Variants in CILP observed in about 807,000 individuals in gnomAD.
The protein encoded by CILP is cartilage intermediate layer protein, also known as cartilage intermediate layer protein 1.
Under a neutral mutation model 82.5 loss-of-function variants are expected in CILP, and 75 were observed. That is an observed-to-expected ratio of 0.91 (90% CI 0.75 to 1.10). The LOEUF is 1.10. Ranked by LOEUF, CILP falls within the 50% of genes least tolerant of loss-of-function variation. The pLI, the probability that CILP is intolerant of heterozygous loss-of-function variation, is 0.00. For missense variants in CILP, 1,479 were observed against 1,530.8 expected (o/e 0.97, Z 0.56); for synonymous variants, 530 against 580.3 (o/e 0.91, Z 1.25).
In CILP at chr15:65,203,414, C is replaced by G. The variant is rs769257680; in HGVS notation, c.976G>C (p.Val326Leu). The stretch of plus-strand genomic sequence containing the variant: ...CCTGTGGCCTTACAGCACAGAGACA[C>G]GCTCTGCCCAGCTCTCCGTGCTTTT... ...ETKARRAGQS[V>L]SLCCKATGKP... Residue 326 changes from valine to leucine, a missense_variant, in exon 7 of 9, where the codon GTG becomes CTG. Physicochemically the swap from Val to Leu is conservative, Grantham distance 32. Coordinates refer to ENST00000261883, the MANE Select transcript of CILP (RefSeq NM_003613.4). The G allele has an allele frequency of 1.2e-6, 2 of 1,612,934 alleles. No homozygotes were observed. The highest frequency in any genetic ancestry group is 2.7e-5 in the African/African-American group (2 of 74,900).
chr15:65,197,953 A>T lies in CILP; in HGVS notation c.2333T>A (p.Ile778Asn). 1 of 1,614,158 alleles carries T rather than the reference A, an allele frequency of 6.2e-7. No homozygotes were observed. Among genetic ancestry groups the T allele is most frequent in the Non-Finnish European group, 8.5e-7 (1 of 1,180,028 alleles). ...GAAGCCAGTTCTAGGCTCCAGGTTA[A>T]TCACGGAGATCACAACCCCCTGGAT... ...EQIQGVVISV[I>N]NLEPRTGFLS... Residue 778 changes from isoleucine (I) to asparagine (N), a missense_variant, in exon 9 of 9, where the codon ATT becomes AAT. Ile to Asn is a moderately radical substitution (Grantham distance 149). Coordinates refer to ENST00000261883, the MANE Select transcript of CILP (RefSeq NM_003613.4).
chr15:65,204,226 T>G, intron 6 of CILP, 42 bp downstream of exon 6: 2 of 1,561,592 alleles, frequency 1.3e-6, no homozygotes, highest in Non-Finnish European at 1.7e-6. Flanking sequence ...TATTTAAAAA[T>G]CTGGACCTTC....
chr15:65,210,209 G>A (rs1040370249), intron 1 of CILP, among the ~76,000 whole-genome samples: 2 of 152,082 alleles, frequency 1.3e-5, no homozygotes, highest in Non-Finnish European at 2.9e-5. Flanking sequence ...GGCCTGAGGG[G>A]CATTTGTTTT....
At chr15:65,207,611 C>T (rs1001127455) in intron 3 of CILP, 61 bp downstream of exon 3, 1 of 1,448,814 alleles carries the variant, frequency 6.9e-7, no homozygotes, top group Non-Finnish European at 9.7e-7. Context: ...TTCAGAGATC[C>T]ACTTCGGAAG....
intron 1 of CILP, 27 bp from the exon 2 acceptor site, chr15:65,209,888 T>C (rs2088566071): frequency 2.9e-6 from 2 of 696,508 alleles, no homozygotes; most frequent in South Asian, 3.6e-5. Context: ...CTTGTCAGGT[T>C]TCATATTTCT....
chr15:65,209,652 G>A (rs777001169), intron 2 of CILP, 43 bp downstream of exon 2: 1 of 1,596,290 alleles, frequency 6.3e-7, no homozygotes, highest in South Asian at 1.1e-5. Context: ...ACCTCACTGT[G>A]GCAAGTGGAA....
At chr15:65,203,899 G>T (rs995753552) in intron 6 of CILP, among the ~76,000 whole-genome samples, 1 of 152,220 alleles carries the variant, frequency 6.6e-6, no homozygotes, top group African/African-American at 2.4e-5. Flanking sequence ...TGTATTGACC[G>T]TTAGATAAGG....
intron 4 of CILP, among the ~76,000 whole-genome samples, 183 bp downstream of exon 4, chr15:65,206,599 C>T (rs1476503092): frequency 2.0e-5 from 3 of 152,184 alleles, no homozygotes; most frequent in Non-Finnish European, 4.4e-5. Context: ...ATTAATGACA[C>T]TACTTGTTAT....
In CILP at chr15:65,197,135, G is replaced by A. The variant is rs1313402606; in HGVS notation, c.3151C>T (p.Pro1051Ser). ...CTGGTGTCGTTGTTGACTGCAAGTG[G>A]CAAGTGGTTGACCAGGTACTCATGC... Reference protein sequence around the residue: ...MLHEYLVNHLPLAVNNDTSEY... With the variant: ...MLHEYLVNHLSLAVNNDTSEY... The change falls in exon 9 of 9, where the codon CCA becomes TCA. Residue 1051 changes from proline (P) to serine (S), a missense_variant. By Grantham distance (74) the Pro-to-Ser change is moderately conservative. Transcript: ENST00000261883. The A allele has an allele frequency of 1.9e-6, 3 of 1,613,814 alleles. No homozygotes were observed. Among genetic ancestry groups the A allele is most frequent in the East Asian group, 4.5e-5 (2 of 44,868 alleles).
At position 65,197,995 on chromosome 15, in the gene CILP, A is replaced by G; in HGVS notation, c.2291T>C (p.Phe764Ser). Reference sequence around the variant, plus strand: ...CCCCTGGATCTGCTCACTAGGCAAGAACCTCTCACTCCGGTAGGCCCTCAC... The same window carrying G: ...CCCCTGGATCTGCTCACTAGGCAAGGACCTCTCACTCCGGTAGGCCCTCAC... ...VKVRAYRSER[F>S]LPSEQIQGVV... The change falls in exon 9 of 9, where the codon TTC (phenylalanine) becomes TCC (serine). Residue 764 changes from phenylalanine (F) to serine (S), a missense_variant. Phe to Ser is a radical substitution (Grantham distance 155). Transcript: ENST00000261883. 1 of 1,614,172 alleles carries G rather than the reference A, an allele frequency of 6.2e-7. No individual in the cohort carries two copies. Among genetic ancestry groups the G allele is most frequent in the Non-Finnish European group, 8.5e-7 (1 of 1,180,020 alleles).
chr15:65,201,715 C>T (rs530119520), intron 8 of CILP, among the ~76,000 whole-genome samples, 157 bp downstream of exon 8: 93 of 113,492 alleles, frequency 8.2e-4, no homozygotes, highest in African/African-American at 3.2e-3. Context: ...GGTGACACAG[C>T]GAGACTCCAT....
intron 8 of CILP, among the ~76,000 whole-genome samples, chr15:65,200,255 A>G (rs569144950): frequency 3.9e-5 from 6 of 152,244 alleles, no homozygotes; most frequent in Non-Finnish European, 7.3e-5. Context: ...ATGTAACTTC[A>G]GAATAATAAA....
intron 8 of CILP, among the ~76,000 whole-genome samples, chr15:65,200,449 T>C (rs1336154212): frequency 1.2e-4 from 3 of 24,042 alleles, no homozygotes; most frequent in Non-Finnish European, 1.6e-4. Context: ...TCTGTCCTTC[T>C]CTGCGTTTTG....
intron 2 of CILP, among the ~76,000 whole-genome samples, chr15:65,209,084 G>A (rs1003601461): frequency 1.3e-5 from 2 of 150,798 alleles, no homozygotes; most frequent in Admixed American, 6.6e-5. Context: ...AGAGGAAGGG[G>A]AGGAGGTGGG....
chr15:65,206,535 T>C (rs757185232), intron 4 of CILP, among the ~76,000 whole-genome samples: 30 of 152,072 alleles, frequency 2.0e-4, no homozygotes, highest in Non-Finnish European at 1.2e-4. Context: ...CATAATAAAA[T>C]AGGTTGAATA....
chr15:65,196,571 A>G lies in CILP; in HGVS notation c.*160T>C, dbSNP rs1566991949. 6.7e-6 allele frequency: 4 copies of G among 594,998 alleles called. No homozygotes were observed. Among genetic ancestry groups the G allele is most frequent in the Non-Finnish European group, 8.2e-6 (3 of 364,228 alleles). 36.9% of individuals were successfully genotyped at this position (594,998 alleles called of 1,614,324 possible). On this transcript the variant is annotated 3_prime_UTR_variant, in exon 9 of 9. Transcript: ENST00000261883. The stretch of plus-strand genomic sequence containing the variant: ...TGTGCCATTGTGGGGGCCACGTGCC[A>G]ATCAGTAGCATGGGACAAAGTAAGT...
chr15:65,197,916 AG>A lies in CILP; in HGVS notation c.2369del (p.Pro790LeufsTer146). 1.2e-6 allele frequency: 2 copies of A among 1,614,120 alleles called. No homozygotes were observed. Among genetic ancestry groups the A allele is most frequent in the Non-Finnish European group, 1.7e-6 (2 of 1,180,014 alleles). On this transcript the variant is annotated frameshift_variant, in exon 9 of 9. Coordinates refer to ENST00000261883, the MANE Select transcript of CILP (RefSeq NM_003613.4). LOFTEE classifies it high-confidence loss of function. ...LEPRTGFLSN[P>X]RAWGRFDSVI... ...CACTGTCAAAGCGGCCCCAGGCCCT[AG>A]GGTTGGACAAGAAGCCAGTTCTAGG... is the stretch of plus-strand genomic sequence containing the variant.
intron 2 of CILP, among the ~76,000 whole-genome samples, chr15:65,208,957 T>G (rs2088553537): frequency 1.3e-5 from 2 of 150,552 alleles, no homozygotes. Flanking sequence ...CCTTTGTTCC[T>G]GCATTTGTAG....
chr15:65,201,288 C>A (rs1019892869), intron 8 of CILP, among the ~76,000 whole-genome samples: 2 of 152,064 alleles, frequency 1.3e-5, no homozygotes, highest in Non-Finnish European at 2.9e-5. Context: ...AGGTGTGAGC[C>A]GCCACACCTG....
Sources: allele counts gnomAD v4.1 joint callset (sites outside exome capture counted in the v4.1 genomes callset), GRCh38; gene constraint gnomAD v4.1.1; transcripts MANE v1.5; gene names NCBI Gene and HGNC (gene_info 2026-07-23, HGNC 2026-07-21).